The following DUOX1 variants were observed in gnomAD, a reference collection of about 807,000 sequenced individuals.
DUOX1 encodes the protein NADPH thyroid oxidase 1.
A neutral mutation model predicts 181.8 loss-of-function variants in DUOX1; 134 were observed. That is an observed-to-expected ratio of 0.74 (90% confidence interval 0.64 to 0.85). The LOEUF (loss-of-function observed/expected upper bound fraction) is 0.85, where lower values mean the gene tolerates loss of function less well. Ranked by LOEUF, DUOX1 falls within the 40% of genes least tolerant of loss-of-function variation. DUOX1 has a pLI of 0.00. For synonymous variants in DUOX1, 798 were observed against 832.5 expected (o/e 0.96, Z 0.71); for missense variants, 1,814 against 2,064.4 (o/e 0.88, Z 2.35).
chr15:45,154,598 T>G (rs1222253068), intron 27 of DUOX1, among the ~76,000 whole-genome samples: 7 of 151,386 alleles, frequency 4.6e-5, no homozygotes, highest in African/African-American at 1.7e-4. Context: ...CAGCATGGTT[T>G]TTTTTTTTTT....
chr15:45,131,669 A>G (rs1418716846), intron 1 of DUOX1: 2 of 432,478 alleles, frequency 4.6e-6, no homozygotes, highest in East Asian at 5.0e-5. Flanking sequence ...GAAGGTATGT[A>G]CCAGGGATTT....
intron 12 of DUOX1, among the ~76,000 whole-genome samples, chr15:45,140,225 T>C (rs1896454743): frequency 6.6e-6 from 1 of 152,212 alleles, no homozygotes; most frequent in Non-Finnish European, 1.5e-5. Context: ...TTCTATTGCA[T>C]TTTGCCCTTA....
intron 9 of DUOX1, 109 bp from the exon 10 acceptor site, chr15:45,137,815 G>A (rs891663632): frequency 1.3e-5 from 11 of 846,920 alleles, no homozygotes; most frequent in Non-Finnish European, 2.0e-5. Context: ...CACCACCTCG[G>A]AAAGACGATG....
chr15:45,158,880 T>C (rs367741263), intron 28 of DUOX1, among the ~76,000 whole-genome samples: 5 of 152,086 alleles, frequency 3.3e-5, no homozygotes, highest in African/African-American at 7.2e-5. Flanking sequence ...AAATGAACAC[T>C]TGATATAGGA....
chr15:45,155,052 C>T (rs923676346), intron 27 of DUOX1, among the ~76,000 whole-genome samples: 3 of 152,334 alleles, frequency 2.0e-5, no homozygotes, highest in Admixed American at 6.5e-5. Flanking sequence ...AACCTTGACT[C>T]GATGAGAGTA....
intron 11 of DUOX1, 38 bp from the exon 12 acceptor site, chr15:45,139,389 C>G: frequency 6.2e-7 from 1 of 1,604,116 alleles, no homozygotes; most frequent in South Asian, 1.1e-5. Flanking sequence ...CTGTGGTGGC[C>G]CTGAGCTCCC....
chr15:45,133,120 C>A (rs1364660641), intron 2 of DUOX1, among the ~76,000 whole-genome samples: 2 of 152,178 alleles, frequency 1.3e-5, no homozygotes, highest in Non-Finnish European at 1.5e-5. Context: ...TTCCATTATC[C>A]ATTCTGGATC....
chr15:45,161,444 A>AGGGGGGGG (rs1555423591), intron 29 of DUOX1, among the ~76,000 whole-genome samples: 1 of 76,502 alleles, frequency 1.3e-5, no homozygotes, highest in Non-Finnish European at 3.3e-5. Flanking sequence ...AAAAAAAGGA[A>AGGGGGGGG]GGAGGGAGGG....
intron 31 of DUOX1, among the ~76,000 whole-genome samples, chr15:45,163,150 C>T (rs1897147928): frequency 2.0e-5 from 3 of 152,230 alleles, no homozygotes; most frequent in Non-Finnish European, 4.4e-5. Flanking sequence ...GCTCAGGCAG[C>T]TGCTGGGTCT....
At position 45,139,521 on chromosome 15, in the gene DUOX1, G is replaced by A; in HGVS notation, c.1311G>A (p.Lys437=). The change falls in exon 12 of 34, where the codon AAG becomes AAA. Residue 437 remains lysine (K), a synonymous_variant. Coordinates refer to ENST00000389037, the MANE Select transcript of DUOX1 (RefSeq NM_175940.3). ...ATCTGGGCCTGCCCTCTTACACCAA[G>A]GCCAGGGCAGCACTGGGCTTGTCTC... is the stretch of plus-strand genomic sequence containing the variant. ...GRDLGLPSYT[K]ARAALGLSPI... The A allele has an allele frequency of 1.2e-6, 2 of 1,613,632 alleles. No individual in the cohort carries two copies. Among genetic ancestry groups the A allele is most frequent in the Non-Finnish European group, 8.5e-7 (1 of 1,179,890 alleles).
chr15:45,157,542 G>A (rs561753112), intron 28 of DUOX1, among the ~76,000 whole-genome samples: 1 of 152,200 alleles, frequency 6.6e-6, no homozygotes, highest in African/African-American at 2.4e-5. Flanking sequence ...AGGTGTGGCC[G>A]GGCACAGTGG....
In DUOX1 at chr15:45,140,939, G is replaced by A. The variant is rs1229006828; in HGVS notation, c.1434G>A (p.Trp478Ter). 6.2e-7 allele frequency: 1 copy of A among 1,614,128 alleles called. No individual in the cohort carries two copies. The highest frequency in any genetic ancestry group is 8.5e-7 in the Non-Finnish European group (1 of 1,180,024). Residue 478 changes from tryptophan (W) to a stop codon, truncating the protein, a stop_gained, in exon 13 of 34, where the codon TGG (tryptophan) becomes TGA (stop). Coordinates refer to ENST00000389037, the MANE Select transcript of DUOX1 (RefSeq NM_175940.3). LOFTEE classifies it high-confidence loss of function. Reference sequence around the variant, plus strand: ...CCCTGTACAACCAGGACTTATCCTGGCTAGAGCTGCTCCCTGGGGGACTCC... The same window carrying A: ...CCCTGTACAACCAGGACTTATCCTGACTAGAGCTGCTCCCTGGGGGACTCC... The part of the protein sequence containing the change: ...TAALYNQDLS[W>*]LELLPGGLLE...
chr15:45,136,312 C>T, intron 7 of DUOX1, 38 bp from the exon 8 acceptor site: 1 of 1,612,332 alleles, frequency 6.2e-7, no homozygotes, highest in Non-Finnish European at 8.5e-7. Flanking sequence ...CCCTCCCCAT[C>T]CAACTCGTGC....
intron 27 of DUOX1, among the ~76,000 whole-genome samples, chr15:45,155,116 C>T (rs1369988604): frequency 6.6e-6 from 1 of 152,286 alleles, no homozygotes; most frequent in African/African-American, 2.4e-5. Flanking sequence ...ACACCCTCTG[C>T]ATCCATTCAT....
Position 45,152,021 on chromosome 15 carries a change from C to T in DUOX1, c.3162C>T (p.Ile1054=). The change falls in exon 24 of 34, where the codon ATC becomes ATT. Residue 1054 remains isoleucine, a synonymous_variant. Transcript: ENST00000389037. ...HIGCVAVFYA[I]AGGLFLERAY... is the part of the protein sequence containing the mutation. ...GCTGCGTGGCCGTGTTCTACGCCAT[C>T]GCTGGGGGGCTTTTCCTGGAGAGGG... 2 of 1,614,110 alleles carry T rather than the reference C, an allele frequency of 1.2e-6. No homozygotes were observed. Among genetic ancestry groups the T allele is most frequent in the Non-Finnish European group, 1.7e-6 (2 of 1,179,998 alleles).
rs1896779323 is a variant in DUOX1 at position 45,150,721 on chromosome 15, T to C, written c.2888+20T>C. The stretch of plus-strand genomic sequence containing the variant: ...GATCTGGTGAGCACCCATCTGGGAA[T>C]GTCGGGGGGAGGAGTTGGGGAGTTG... On this transcript the variant is annotated intron_variant, in intron 22 of 33. Transcript: ENST00000389037. 6.2e-7 allele frequency: 1 copy of C among 1,613,090 alleles called. No homozygotes were observed. The highest frequency in any genetic ancestry group is 1.3e-5 in the African/African-American group (1 of 74,880).
intron 10 of DUOX1, 83 bp downstream of exon 10, chr15:45,138,097 TGTGTGTGTGA>T: frequency 1.9e-6 from 2 of 1,063,664 alleles, no homozygotes; most frequent in Admixed American, 2.4e-5. Context: ...TGTGTGTGTG[TGTGTGTGTGA>T]GTGCATGGTG....
chr15:45,149,047 G>A (rs1049799043), intron 21 of DUOX1, among the ~76,000 whole-genome samples: 3 of 152,146 alleles, frequency 2.0e-5, no homozygotes, highest in Non-Finnish European at 4.4e-5. Context: ...TCAAGTGGGT[G>A]GGGGCTAGAG....
rs766096232 is a variant in DUOX1, at chr15:45,144,090, A to C, written c.1991A>C (p.Gln664Pro). The C allele has an allele frequency of 1.2e-6, 2 of 1,613,918 alleles. No homozygotes were observed. Among genetic ancestry groups the C allele is most frequent in the African/African-American group, 2.7e-5 (2 of 74,938 alleles). The change falls in exon 17 of 34, where the codon CAG becomes CCG. Residue 664 changes from glutamine to proline, a missense_variant. Gln to Pro is a moderately conservative substitution (Grantham distance 76, BLOSUM62 -1). This residue lies in a region of DUOX1 where 1,064 missense variants were observed against 1,152.9 expected (regional missense o/e 0.92). Coordinates refer to ENST00000389037, the MANE Select transcript of DUOX1 (RefSeq NM_175940.3). ...TGCCGGCCCGTGCTTGTGTACCTGC[A>C]GCCCGGGCAGATCCGTGTGGTAGAT... ...EPCRPVLVYL[Q>P]PGQIRVVDGR...
Sources: allele counts gnomAD v4.1 joint callset (sites outside exome capture counted in the v4.1 genomes callset), GRCh38; gene constraint gnomAD v4.1.1; regional missense constraint gnomAD v4.1.1; transcripts MANE v1.5; gene names NCBI Gene and HGNC (gene_info 2026-07-23, HGNC 2026-07-21).